Variants in ZNF804A observed in about 807,000 individuals in gnomAD.
ZNF804A encodes the protein zinc finger protein 804A.
In ZNF804A, 2 loss-of-function variants were observed where a neutral mutation model predicts 16.5. The observed-to-expected ratio is 0.12, with a 90% CI of 0.05 to 0.38. ZNF804A has a LOEUF of 0.38. Among genes scored for constraint, ZNF804A ranks in the 10% least tolerant of loss-of-function variants. The pLI is 0.99. For synonymous variants in ZNF804A, 534 were observed against 489.6 expected (o/e 1.09, Z -1.20); for missense variants, 1,473 against 1,390.7 (o/e 1.06, Z -0.94).
chr2:184,846,159 C>T (rs1254089996), intron 1 of ZNF804A, among the ~76,000 whole-genome samples: 2 of 152,090 alleles, frequency 1.3e-5, no homozygotes, highest in African/African-American at 4.8e-5. Flanking sequence ...TCACTTTGTA[C>T]TCTTCTACCA....
chr2:184,715,137 T>C (rs1417613018), intron 1 of ZNF804A, among the ~76,000 whole-genome samples: 1 of 152,152 alleles, frequency 6.6e-6, no homozygotes, highest in Non-Finnish European at 1.5e-5. Flanking sequence ...GTATCAATTT[T>C]TGTAGTCTTC....
intron 1 of ZNF804A, among the ~76,000 whole-genome samples, chr2:184,740,125 T>G (rs1460600966): frequency 6.6e-6 from 1 of 152,202 alleles, no homozygotes; most frequent in Non-Finnish European, 1.5e-5. Flanking sequence ...AAGGGACTCA[T>G]AGTCTCATAC....
At chr2:184,728,634 T>A (rs1693462171) in intron 1 of ZNF804A, among the ~76,000 whole-genome samples, 3 of 151,926 alleles carry the variant, frequency 2.0e-5, no homozygotes, top group Admixed American at 2.0e-4. Flanking sequence ...GCCATGTGGA[T>A]AACTGTTATA....
intron 1 of ZNF804A, among the ~76,000 whole-genome samples, chr2:184,666,582 C>A (rs991672199): frequency 5.3e-5 from 8 of 152,078 alleles, no homozygotes; most frequent in African/African-American, 1.4e-4. Flanking sequence ...ATTTTGTGGT[C>A]ACTTTGTCCT....
At chr2:184,662,399 G>T (rs948664034) in intron 1 of ZNF804A, among the ~76,000 whole-genome samples, 39 of 152,144 alleles carry the variant, frequency 2.6e-4, no homozygotes, top group Non-Finnish European at 1.0e-4. Context: ...TCATAATAAA[G>T]TTCCCTCTTT....
At chr2:184,859,663 T>A (rs1203597073) in intron 1 of ZNF804A, among the ~76,000 whole-genome samples, 8 of 152,190 alleles carry the variant, frequency 5.3e-5, no homozygotes, top group African/African-American at 1.9e-4. Context: ...TATCCTTGGT[T>A]TTTCATGGTT....
chr2:184,620,257 A>C (rs900865062), intron 1 of ZNF804A, among the ~76,000 whole-genome samples: 2 of 151,710 alleles, frequency 1.3e-5, no homozygotes, highest in African/African-American at 4.8e-5. Context: ...TCCTTCATGC[A>C]AATCAAAAGA....
chr2:184,747,678 A>T (rs1249960903), intron 1 of ZNF804A, among the ~76,000 whole-genome samples: 1 of 149,076 alleles, frequency 6.7e-6, no homozygotes, highest in Non-Finnish European at 1.5e-5. Flanking sequence ...TTCAATTTTA[A>T]TTTTTTTTTT....
At chr2:184,755,110 G>A (rs924910312) in intron 1 of ZNF804A, among the ~76,000 whole-genome samples, 3 of 151,914 alleles carry the variant, frequency 2.0e-5, no homozygotes, top group African/African-American at 4.8e-5. Context: ...CAGTGTTAAA[G>A]AGGACCCTTA....
At chr2:184,794,700 A>G (rs1694604492) in intron 1 of ZNF804A, among the ~76,000 whole-genome samples, 1 of 152,146 alleles carries the variant, frequency 6.6e-6, no homozygotes, top group African/African-American at 2.4e-5. Context: ...CTCTGCATAA[A>G]AGATACAAAA....
chr2:184,759,519 A>C (rs1391980857), intron 1 of ZNF804A, among the ~76,000 whole-genome samples: 1 of 152,018 alleles, frequency 6.6e-6, no homozygotes, highest in Non-Finnish European at 1.5e-5. Flanking sequence ...TTTAAAAAGA[A>C]ATAGAACATG....
intron 2 of ZNF804A, among the ~76,000 whole-genome samples, chr2:184,878,265 C>G (rs992102286): frequency 6.6e-6 from 1 of 151,912 alleles, no homozygotes; most frequent in East Asian, 1.9e-4. Context: ...ATTATGTGAG[C>G]CAAAGAGTAG....
intron 1 of ZNF804A, among the ~76,000 whole-genome samples, chr2:184,643,100 G>A (rs548684834): frequency 1.3e-5 from 2 of 152,096 alleles, no homozygotes; most frequent in East Asian, 3.9e-4. Flanking sequence ...TCTACTAGTG[G>A]CATGGCATAA....
At chr2:184,671,207 A>T (rs1156894431) in intron 1 of ZNF804A, among the ~76,000 whole-genome samples, 1 of 152,064 alleles carries the variant, frequency 6.6e-6, no homozygotes, top group Admixed American at 6.6e-5. Context: ...AGTTGCTTTT[A>T]CTCACCATCT....
At chr2:184,713,694 T>C (rs971899954) in intron 1 of ZNF804A, among the ~76,000 whole-genome samples, 12 of 151,974 alleles carry the variant, frequency 7.9e-5, no homozygotes, top group Non-Finnish European at 2.9e-5. Context: ...TCATTAAAAA[T>C]TCTGGACAGT....
At chr2:184,717,729 A>T (rs1693237136) in intron 1 of ZNF804A, among the ~76,000 whole-genome samples, 1 of 152,150 alleles carries the variant, frequency 6.6e-6, no homozygotes, top group South Asian at 2.1e-4. Context: ...AGTACATGTG[A>T]TATTTCGTTA....
At chr2:184,759,453 C>T (rs1001665998) in intron 1 of ZNF804A, among the ~76,000 whole-genome samples, 3 of 151,604 alleles carry the variant, frequency 2.0e-5, no homozygotes, top group African/African-American at 4.8e-5. Flanking sequence ...TTGCATACCA[C>T]CTTTGCATCT....
chr2:184,627,595 G>T (rs1464805666), intron 1 of ZNF804A, among the ~76,000 whole-genome samples: 1 of 152,056 alleles, frequency 6.6e-6, no homozygotes, highest in Non-Finnish European at 1.5e-5. Flanking sequence ...CTTGACATTT[G>T]TTGAATAATA....
intron 1 of ZNF804A, among the ~76,000 whole-genome samples, chr2:184,733,963 GC>G (rs1369759550): frequency 2.6e-5 from 4 of 151,728 alleles, no homozygotes; most frequent in East Asian, 1.9e-4. Context: ...TAAAGAACCA[GC>G]TTTTGATGTC....
Sources: allele counts gnomAD v4.1 joint callset (sites outside exome capture counted in the v4.1 genomes callset), GRCh38; gene constraint gnomAD v4.1.1; transcripts MANE v1.5; gene names NCBI Gene and HGNC (gene_info 2026-07-23, HGNC 2026-07-21).